The following ZNF483 variants were observed in gnomAD, a reference collection of about 807,000 sequenced individuals.
ZNF483 encodes zinc finger protein 483, also known as zinc finger protein HIT-10.
In ZNF483, 9 loss-of-function variants were observed where a neutral mutation model predicts 28.6. The ratio of observed to expected loss-of-function variants is 0.32; its 90% CI spans 0.19 to 0.55. The LOEUF (loss-of-function observed/expected upper bound fraction) is 0.55. Among genes scored for constraint, ZNF483 ranks in the 20% least tolerant of loss-of-function variants. The pLI is 0.93. For synonymous variants in ZNF483, 322 were observed against 306.2 expected, an observed-to-expected ratio of 1.05 and a Z score of -0.54; for missense variants, 675 against 871.7, an observed-to-expected ratio of 0.77 and a Z score of 2.84.
At chr9:111,530,185 A>G (rs1480011622) in intron 2 of ZNF483, among the ~76,000 whole-genome samples, 1 of 152,152 alleles carries the variant, frequency 6.6e-6, no homozygotes, top group Admixed American at 6.5e-5. Flanking sequence ...TGATTTAATC[A>G]GTCATGCCTG....
chr9:111,560,001 T>G (rs895745670), downstream of ZNF483, among the ~76,000 whole-genome samples: 2 of 152,210 alleles, frequency 1.3e-5, no homozygotes, highest in Non-Finnish European at 2.9e-5. Flanking sequence ...ATCTCTATGA[T>G]GGCAGAATTG....
At position 111,551,512 on chromosome 9, in the gene ZNF483, A is replaced by T. The variant is rs534079429; in HGVS notation, c.*8342A>T. Among the ~76,000 whole-genome samples the T allele has an allele frequency of 3.7e-4, 53 of 143,234 alleles. No homozygotes were observed. Among genetic ancestry groups the T allele is most frequent in the South Asian group, 1.5e-3 (7 of 4,574 alleles). The allele number at this position is 143,234 out of a possible 152,430, so 94.0% of individuals were successfully genotyped here. A position where few individuals can be genotyped will look rare whatever the true frequency, so the allele number is the denominator to read the frequency against. On this transcript the variant is annotated 3_prime_UTR_variant, in exon 6 of 6. Transcript: ENST00000309235. ...AACCTCCGCCTCCTGGGTTCCAGCA[A>T]TTCTCCTGCTTCAGCCTCCCCAGTA...
intron 4 of ZNF483, 39 bp downstream of exon 4, chr9:111,533,904 T>C: frequency 5.1e-6 from 8 of 1,575,230 alleles, no homozygotes; most frequent in Non-Finnish European, 6.8e-6. Flanking sequence ...CGTTTAACCT[T>C]GGGTCTCTTT....
Position 111,543,765 on chromosome 9 carries a change from CTTTTTTTTTTCT to C in ZNF483, c.*606_*617del, listed in dbSNP as rs753608058. On this transcript the variant is annotated 3_prime_UTR_variant, in exon 6 of 6. Transcript: ENST00000309235. ...CTATTCAGGATGCTGGACTTCTTTT[CTTTTTTTTTTCT>C]TTTTTTTTTTTCAATTTTTCTTTTT... 2.0e-4 allele frequency: 152 copies of C among 751,808 alleles called. No individual in the cohort carries two copies. The highest frequency in any genetic ancestry group is 4.7e-4 in the South Asian group (7 of 14,986). The allele number at this position is 751,808 out of a possible 1,614,324, so 46.6% of individuals were successfully genotyped here.
intron 5 of ZNF483, among the ~76,000 whole-genome samples, chr9:111,562,158 C>T (rs550079869): frequency 6.6e-6 from 1 of 152,244 alleles, no homozygotes; most frequent in East Asian, 1.9e-4. Flanking sequence ...CAAACGTGAG[C>T]CACCGCGCCC....
At chr9:111,570,068 G>A (rs1049574713) in intron 5 of ZNF483, 2 of 1,613,730 alleles carry the variant, frequency 1.2e-6, no homozygotes, top group Non-Finnish European at 1.7e-6. Flanking sequence ...ACAATTGGAA[G>A]GGGTGGCTCC....
chr9:111,531,069 C>A, intron 3 of ZNF483, 106 bp downstream of exon 3: 2 of 353,666 alleles, frequency 5.7e-6, no homozygotes, highest in Non-Finnish European at 1.0e-5. Context: ...TGGCTTACAC[C>A]TGTAATCCCA....
At position 111,576,503 on chromosome 9, in the gene ZNF483, G is replaced by A. The variant is rs775912040; in HGVS notation, c.*89G>A. Reference sequence around the variant, plus strand: ...AGTGCAGTTCAAGAGGCTCTGGTTCGGGGAAGAGCTGGATGGAGTATGAAT... The same window carrying A: ...AGTGCAGTTCAAGAGGCTCTGGTTCAGGGAAGAGCTGGATGGAGTATGAAT... On this transcript the variant is annotated 3_prime_UTR_variant, in exon 6 of 6. Coordinates refer to the ZNF483 transcript ENST00000358151. The A allele has an allele frequency of 3.0e-5, 47 of 1,565,314 alleles. No homozygotes were observed. The Middle Eastern group carries it at 5.0e-4, about 17-fold the overall frequency.
In ZNF483 at chr9:111,537,614, A is replaced by G. The variant is rs527790312; in HGVS notation, c.721+3261A>G. Among the ~76,000 whole-genome samples the G allele has an allele frequency of 2.6e-5, 4 of 151,888 alleles. No homozygotes were observed. In the South Asian group the frequency reaches 8.3e-4, roughly 32 times the overall value. On this transcript the variant is annotated intron_variant, in intron 5 of 5. Transcript: ENST00000309235. ...TATTACAGTGTATAGTATGTACTAC[A>G]GTTTTATGCAGTTATTATTATTATT...
intron 5 of ZNF483, among the ~76,000 whole-genome samples, chr9:111,573,805 C>T (rs963613787): frequency 1.3e-5 from 2 of 152,060 alleles, no homozygotes; most frequent in Non-Finnish European, 1.5e-5. Context: ...GAATATGGTT[C>T]TCTGGTTGAT....
At position 111,546,090 on chromosome 9, in the gene ZNF483, G is replaced by A. The variant is rs1289837741; in HGVS notation, c.*2920G>A. Among the ~76,000 whole-genome samples the A allele has an allele frequency of 6.6e-6, 1 of 152,040 alleles. No homozygotes were observed. The highest frequency in any genetic ancestry group is 1.5e-5 in the Non-Finnish European group (1 of 67,980). On this transcript the variant is annotated 3_prime_UTR_variant, in exon 6 of 6. Transcript: ENST00000309235. ...TTGTTGTCTGTTTTTTAAAAATTAT[G>A]CCCATCCTAGCGTTTGAAATGATAT...
chr9:111,544,440 A>T lies in ZNF483; in HGVS notation c.*1270A>T. 4.6e-6 allele frequency: 4 copies of T among 865,692 alleles called. No individual in the cohort carries two copies. The highest frequency in any genetic ancestry group is 5.6e-6 in the Non-Finnish European group (4 of 720,366). 53.6% of individuals were successfully genotyped at this position (865,692 alleles called of 1,614,324 possible). A position where few individuals can be genotyped will look rare whatever the true frequency, so the allele number is the denominator to read the frequency against. ...AAAAACAAAGCTTGTCTTAAAAAAA[A>T]TTATAAGGGCTAACAACACTGGGCT... On this transcript the variant is annotated 3_prime_UTR_variant, in exon 6 of 6. Transcript: ENST00000309235.
At chr9:111,525,452 G>A (rs1180804579) in intron 1 of ZNF483, among the ~76,000 whole-genome samples, 190 bp downstream of exon 1, 1 of 152,186 alleles carries the variant, frequency 6.6e-6, no homozygotes, top group Non-Finnish European at 1.5e-5. Flanking sequence ...CCCTCCCTGC[G>A]CCACTTGGGC....
At chr9:111,539,559 T>C (rs1002772645) in intron 5 of ZNF483, 4 of 430,898 alleles carry the variant, frequency 9.3e-6, no homozygotes, top group African/African-American at 6.1e-5. Flanking sequence ...AGGTCAGGAA[T>C]TGAAGACCAG....
intron 5 of ZNF483, chr9:111,563,491 A>C (rs1351388578): frequency 1.6e-5 from 5 of 317,454 alleles, no homozygotes; most frequent in Non-Finnish European, 2.8e-5. Flanking sequence ...GCAGTGATTA[A>C]GCAATCTCTT....
chr9:111,555,928 TAA>T (rs1373029616), downstream of ZNF483, among the ~76,000 whole-genome samples: 20 of 152,288 alleles, frequency 1.3e-4, no homozygotes, highest in African/African-American at 4.8e-4. Context: ...AACAGTCCCT[TAA>T]AGTCTTAACT....
rs541178760 is a variant in ZNF483 at position 111,568,441 on chromosome 9, C to G, written c.722-7924C>G. Among the ~76,000 whole-genome samples the G allele has an allele frequency of 6.3e-4, 96 of 152,242 alleles. 1 individual carries two copies. Among genetic ancestry groups the G allele is most frequent in the African/African-American group, 2.3e-3 (94 of 41,542 alleles). ...TGTGGTCAGACTGGTTCTCTGCTTTCGAACCCTGTTTTCTGTTGTTGAAGA... is the reference window on the plus strand; with the variant it reads ...TGTGGTCAGACTGGTTCTCTGCTTTGGAACCCTGTTTTCTGTTGTTGAAGA... On this transcript the variant is annotated intron_variant, in intron 5 of 5. Coordinates refer to the ZNF483 transcript ENST00000358151.
chr9:111,530,778 T>TATATATATATATATATATATATAC (rs1404061645), intron 2 of ZNF483, 97 bp from the exon 3 acceptor site: 22 of 51,854 alleles, frequency 4.2e-4, no homozygotes, highest in African/African-American at 2.2e-3. Flanking sequence ...TATATATATA[T>TATATATATATATATATATATATAC]ATATATATAT....
Position 111,543,382 on chromosome 9 carries a change from A to G in ZNF483, c.*212A>G. On this transcript the variant is annotated 3_prime_UTR_variant, in exon 6 of 6. Coordinates refer to ENST00000309235, the MANE Select transcript of ZNF483 (RefSeq NM_133464.5). ...TTGGTAAAGTCACTGGAAAGGGAAG[A>G]ATGCAAAATGATTCTGAGGCCAGAC... 7.7e-7 allele frequency: 1 copy of G among 1,306,724 alleles called. No homozygotes were observed. The highest frequency in any genetic ancestry group is 9.7e-7 in the Non-Finnish European group (1 of 1,030,536). The allele number at this position is 1,306,724 out of a possible 1,614,324, so 80.9% of individuals were successfully genotyped here. A position where few individuals can be genotyped will look rare whatever the true frequency, so the allele number is the denominator to read the frequency against.
Sources: gnomAD v4.1 joint callset for allele counts (sites outside exome capture counted in the v4.1 genomes callset) on GRCh38, gnomAD v4.1.1 for gene constraint, MANE v1.5 for transcripts, NCBI Gene and HGNC (gene_info 2026-07-23, HGNC 2026-07-21) for gene names.